The following PDE4D variants were observed in gnomAD, a reference collection of about 807,000 sequenced individuals.
PDE4D encodes the protein 3',5'-cyclic-AMP phosphodiesterase 4D.
A neutral mutation model predicts 87.4 loss-of-function variants in PDE4D; 24 were observed. That is an observed-to-expected ratio of 0.27 (90% CI 0.20 to 0.39). The LOEUF is 0.39. Ranked by LOEUF, PDE4D falls within the 10% of genes least tolerant of loss-of-function variation. The pLI is 1.00. For synonymous variants in PDE4D, 384 were observed against 383.2 expected (o/e 1.00, Z -0.02); for missense variants, 714 against 1,041.0 (o/e 0.69, Z 4.32).
intron 6 of PDE4D, among the ~76,000 whole-genome samples, chr5:59,031,391 AT>A (rs1414276911): frequency 4.7e-3 from 152 of 32,020 alleles, no homozygotes; most frequent in African/African-American, 0.023. Context: ...ATATATATAT[AT>A]TATATATATA....
intron 3 of PDE4D, among the ~76,000 whole-genome samples, chr5:59,902,129 TGCCCTGTTGA>T (rs1339648272): frequency 6.6e-6 from 1 of 152,070 alleles, no homozygotes; most frequent in Non-Finnish European, 1.5e-5. Context: ...AATCTTAAAA[TGCCCTGTTGA>T]GCAAACAAAG....
chr5:60,506,583 G>T (rs1365674002), intron 1 of PDE4D, among the ~76,000 whole-genome samples: 1 of 152,020 alleles, frequency 6.6e-6, no homozygotes, highest in Non-Finnish European at 1.5e-5. Context: ...AAGAAAAGCA[G>T]ACAGAATTTA....
At chr5:59,649,653 C>T (rs1031643359) in intron 1 of PDE4D, among the ~76,000 whole-genome samples, 1 of 151,214 alleles carries the variant, frequency 6.6e-6, no homozygotes, top group Non-Finnish European at 1.5e-5. Flanking sequence ...GGAATAGTAC[C>T]TTCATGAGGT....
At chr5:59,343,990 G>C (rs1362882242) in intron 1 of PDE4D, among the ~76,000 whole-genome samples, 3 of 152,080 alleles carry the variant, frequency 2.0e-5, no homozygotes, top group Admixed American at 2.0e-4. Flanking sequence ...CTTCATTTAT[G>C]ATAATAATGA....
At chr5:59,012,476 AAAC>A (rs1753029368) in intron 6 of PDE4D, among the ~76,000 whole-genome samples, 1 of 152,202 alleles carries the variant, frequency 6.6e-6, no homozygotes, top group African/African-American at 2.4e-5. Flanking sequence ...AGCAAATAGA[AAAC>A]AAAAAAAAGC....
chr5:59,054,862 G>C (rs1423443574), intron 5 of PDE4D, among the ~76,000 whole-genome samples: 2 of 152,128 alleles, frequency 1.3e-5, no homozygotes, highest in East Asian at 3.9e-4. Flanking sequence ...CTTAATAAAT[G>C]TTAGTTTTGT....
At chr5:60,451,624 G>C (rs1746101254) in intron 1 of PDE4D, among the ~76,000 whole-genome samples, 1 of 152,084 alleles carries the variant, frequency 6.6e-6, no homozygotes. Context: ...CTGATATTAA[G>C]GATGTTGGAA....
At chr5:59,019,243 C>T (rs1366204128) in intron 6 of PDE4D, among the ~76,000 whole-genome samples, 1 of 152,012 alleles carries the variant, frequency 6.6e-6, no homozygotes, top group Non-Finnish European at 1.5e-5. Context: ...CATCACTATC[C>T]TATTTCAGGC....
At chr5:59,164,460 T>C (rs1204698058) in intron 5 of PDE4D, among the ~76,000 whole-genome samples, 1 of 152,228 alleles carries the variant, frequency 6.6e-6, no homozygotes, top group Non-Finnish European at 1.5e-5. Flanking sequence ...ATTCACTTCA[T>C]TTAATTCTTA....
chr5:60,377,459 T>C (rs1037159659), intron 1 of PDE4D, among the ~76,000 whole-genome samples: 23 of 152,234 alleles, frequency 1.5e-4, no homozygotes, highest in African/African-American at 5.5e-4. Flanking sequence ...ATTTAGAACA[T>C]TGAGAGAAAG....
At chr5:59,566,800 T>C (rs183773264) in intron 1 of PDE4D, among the ~76,000 whole-genome samples, 1 of 152,066 alleles carries the variant, frequency 6.6e-6, no homozygotes, top group Non-Finnish European at 1.5e-5. Flanking sequence ...CTAAAAAGGA[T>C]GCCAACTTAA....
At chr5:59,161,371 G>C (rs1445080390) in intron 5 of PDE4D, among the ~76,000 whole-genome samples, 4 of 152,156 alleles carry the variant, frequency 2.6e-5, no homozygotes, top group African/African-American at 9.7e-5. Flanking sequence ...TCAAAGTTGG[G>C]GGAGGGCTTC....
chr5:59,638,758 A>C (rs992508341), intron 1 of PDE4D, among the ~76,000 whole-genome samples: 2 of 152,182 alleles, frequency 1.3e-5, no homozygotes, highest in Non-Finnish European at 2.9e-5. Flanking sequence ...TAGTGGATTA[A>C]GGACAGTGTA....
intron 1 of PDE4D, among the ~76,000 whole-genome samples, chr5:59,562,882 C>T (rs17798319): frequency 0.078 from 11,778 of 151,410 alleles, 609 homozygotes; most frequent in Admixed American, 0.14. Flanking sequence ...ATCCTCAGGA[C>T]AACAGGGCAT....
chr5:60,229,971 C>T (rs1251056549), intron 1 of PDE4D, among the ~76,000 whole-genome samples: 1 of 152,094 alleles, frequency 6.6e-6, no homozygotes, highest in Admixed American at 6.6e-5. Context: ...ACAGAAGAAA[C>T]TATTTCTGCT....
At chr5:59,510,088 GTATT>G (rs529361691) in intron 1 of PDE4D, among the ~76,000 whole-genome samples, 195 of 150,488 alleles carry the variant, frequency 1.3e-3, no homozygotes, top group African/African-American at 4.3e-3. Flanking sequence ...TAATAACAAT[GTATT>G]TATTTAAAAA....
At chr5:59,099,115 A>T (rs1037836415) in intron 5 of PDE4D, among the ~76,000 whole-genome samples, 2 of 152,198 alleles carry the variant, frequency 1.3e-5, no homozygotes, top group Non-Finnish European at 2.9e-5. Flanking sequence ...ATCTGTAAGG[A>T]TATTCAGTCA....
chr5:60,093,254 T>C (rs1775326761), intron 2 of PDE4D, among the ~76,000 whole-genome samples: 1 of 152,222 alleles, frequency 6.6e-6, no homozygotes, highest in Non-Finnish European at 1.5e-5. Context: ...GCTTATCCTT[T>C]GAAAGGATTT....
intron 1 of PDE4D, among the ~76,000 whole-genome samples, chr5:60,416,598 T>C (rs1742596674): frequency 6.6e-6 from 1 of 152,114 alleles, no homozygotes; most frequent in Non-Finnish European, 1.5e-5. Context: ...AGGAGGAAAC[T>C]CCGAACACAT....
Sources: gnomAD v4.1 joint callset for allele counts (sites outside exome capture counted in the v4.1 genomes callset) on GRCh38, gnomAD v4.1.1 for gene constraint, MANE v1.5 for transcripts, NCBI Gene and HGNC (gene_info 2026-07-23, HGNC 2026-07-21) for gene names.